Variants in GALNT13 observed in about 807,000 individuals in gnomAD.
GALNT13 encodes UDP-GalNAc:polypeptide N-acetylgalactosaminyltransferase 13.
Under a neutral mutation model 64.2 loss-of-function variants are expected in GALNT13, and 28 were observed. The observed-to-expected ratio is 0.44, with a 90% CI of 0.32 to 0.60. The LOEUF (loss-of-function observed/expected upper bound fraction) is 0.60. Among genes scored for constraint, GALNT13 ranks in the 20% least tolerant of loss-of-function variants. GALNT13 has a pLI of 0.05. For missense variants in GALNT13, 577 were observed against 669.8 expected, an observed-to-expected ratio of 0.86 and a Z score of 1.53; for synonymous variants, 214 against 224.6, an observed-to-expected ratio of 0.95 and a Z score of 0.42.
chr2:154,273,974 G>C (rs1180798606), intron 8 of GALNT13, among the ~76,000 whole-genome samples: 4 of 151,914 alleles, frequency 2.6e-5, no homozygotes, highest in Admixed American at 6.6e-5. Context: ...AAATATATAA[G>C]AAGGTTTTTT....
At chr2:153,373,776 A>G in the GALNT13 span, among the ~76,000 whole-genome samples, 1 of 152,112 alleles carries the variant, frequency 6.6e-6, no homozygotes, top group African/African-American at 2.4e-5. Flanking sequence ...CCATGATTCT[A>G]CTTTCTTTTT....
chr2:153,824,251 A>C, the GALNT13 span, among the ~76,000 whole-genome samples: 1 of 152,182 alleles, frequency 6.6e-6, no homozygotes. Flanking sequence ...CTGTTGGTGT[A>C]TAACACACAC....
At chr2:153,391,295 A>T in the GALNT13 span, among the ~76,000 whole-genome samples, 77,265 of 151,726 alleles carry the variant, frequency 0.51, 20,268 homozygotes, top group Middle Eastern at 0.61. Flanking sequence ...CAGAAACAGG[A>T]GTTAAGGAGC....
intron 9 of GALNT13, among the ~76,000 whole-genome samples, chr2:154,372,060 A>C (rs141039570): frequency 3.5e-3 from 537 of 152,224 alleles, no homozygotes; most frequent in African/African-American, 0.012. Flanking sequence ...TCTCATCAAG[A>C]ATGGGAAATA....
chr2:153,652,412 G>A, the GALNT13 span, among the ~76,000 whole-genome samples: 2 of 152,072 alleles, frequency 1.3e-5, no homozygotes, highest in Non-Finnish European at 1.5e-5. Flanking sequence ...CCTGAGGTCA[G>A]GAGATCAGCT....
At chr2:153,374,692 G>A in the GALNT13 span, among the ~76,000 whole-genome samples, 1 of 152,030 alleles carries the variant, frequency 6.6e-6, no homozygotes, top group East Asian at 1.9e-4. Context: ...CAGAAATACT[G>A]GCAGGAGATT....
At chr2:153,122,529 A>T in the GALNT13 span, among the ~76,000 whole-genome samples, 2 of 152,172 alleles carry the variant, frequency 1.3e-5, no homozygotes, top group African/African-American at 4.8e-5. Context: ...TCACTTTGCC[A>T]CACCTACATT....
chr2:153,911,786 C>G (rs747406497), intron 2 of GALNT13, among the ~76,000 whole-genome samples: 1 of 152,136 alleles, frequency 6.6e-6, no homozygotes, highest in Non-Finnish European at 1.5e-5. Context: ...GGCTGTTAGT[C>G]TGATGGGCTT....
intron 8 of GALNT13, among the ~76,000 whole-genome samples, chr2:154,288,822 C>G (rs1432104493): frequency 1.3e-5 from 2 of 152,230 alleles, no homozygotes; most frequent in African/African-American, 4.8e-5. Flanking sequence ...ACTGCTTTCA[C>G]AGGCTGGCAC....
intron 3 of GALNT13, among the ~76,000 whole-genome samples, chr2:154,037,656 A>C (rs1453490777): frequency 2.0e-5 from 3 of 152,214 alleles, no homozygotes; most frequent in African/African-American, 7.2e-5. Context: ...GAATTCAGTA[A>C]AGTTGTAGGA....
chr2:154,109,405 A>T (rs1016064545), intron 3 of GALNT13, among the ~76,000 whole-genome samples: 4 of 152,014 alleles, frequency 2.6e-5, no homozygotes, highest in Non-Finnish European at 5.9e-5. Flanking sequence ...TATACGTAAG[A>T]TCATGTCATC....
intron 2 of GALNT13, among the ~76,000 whole-genome samples, chr2:153,937,212 T>C (rs1396414098): frequency 6.6e-6 from 1 of 152,100 alleles, no homozygotes; most frequent in Non-Finnish European, 1.5e-5. Context: ...TTCATAATAG[T>C]CAAAAGGTAG....
the GALNT13 span, among the ~76,000 whole-genome samples, chr2:153,786,189 C>G: frequency 1.3e-5 from 2 of 152,166 alleles, no homozygotes; most frequent in African/African-American, 4.8e-5. Flanking sequence ...CCCAGCATTT[C>G]TCTGAAGAGG....
At position 154,119,819 on chromosome 2, in the gene GALNT13, G is replaced by T. The variant is rs76438134; in HGVS notation, c.143-20518G>T. On this transcript the variant is annotated intron_variant, in intron 3 of 12. Coordinates refer to ENST00000392825, the MANE Select transcript of GALNT13 (RefSeq NM_052917.4). Reference sequence around the variant, plus strand: ...TCTTTGTCAAACTAATCATTTTTGTGTATTGTTTTCCAAACTTTATTACGT... The same window carrying T: ...TCTTTGTCAAACTAATCATTTTTGTTTATTGTTTTCCAAACTTTATTACGT... Among the ~76,000 whole-genome samples the T allele has an allele frequency of 4.8e-4, 73 of 152,024 alleles. No homozygotes were observed. The East Asian group carries it at 0.013, about 28-fold the overall frequency.
chr2:153,630,951 G>C, the GALNT13 span, among the ~76,000 whole-genome samples: 7 of 150,250 alleles, frequency 4.7e-5, no homozygotes, highest in Non-Finnish European at 1.0e-4. Flanking sequence ...CTAGTGCTAT[G>C]CCTCCCCACT....
chr2:154,072,078 A>G (rs1700766052), intron 3 of GALNT13, among the ~76,000 whole-genome samples: 2 of 152,154 alleles, frequency 1.3e-5, no homozygotes, highest in African/African-American at 2.4e-5. Context: ...GTTGCTTCGT[A>G]AAGTGCAAAA....
the GALNT13 span, among the ~76,000 whole-genome samples, chr2:153,735,198 G>A: frequency 6.6e-6 from 1 of 151,986 alleles, no homozygotes; most frequent in African/African-American, 2.4e-5. Context: ...ATTTCTGAGA[G>A]CCGGTCTTGT....
the GALNT13 span, among the ~76,000 whole-genome samples, chr2:153,712,444 TA>T: frequency 5.3e-5 from 8 of 152,154 alleles, no homozygotes; most frequent in Non-Finnish European, 8.8e-5. Flanking sequence ...AGTATCAGGA[TA>T]AGTTTGTCAT....
intron 4 of GALNT13, among the ~76,000 whole-genome samples, chr2:154,210,253 C>T (rs568656758): frequency 6.6e-6 from 1 of 152,164 alleles, no homozygotes; most frequent in Admixed American, 6.5e-5. Context: ...ACACTTTGTT[C>T]GATATCATAT....
Sources: gnomAD v4.1 joint callset for allele counts (sites outside exome capture counted in the v4.1 genomes callset) on GRCh38, gnomAD v4.1.1 for gene constraint, MANE v1.5 for transcripts, NCBI Gene and HGNC (gene_info 2026-07-23, HGNC 2026-07-21) for gene names.